The following MLLT3 variants were observed in gnomAD, a reference collection of about 807,000 sequenced individuals.
MLLT3 encodes protein AF-9.
MLLT3 carries 4 observed loss-of-function variants against 53.2 expected under a neutral mutation model. That is an observed-to-expected ratio of 0.08 (90% CI 0.04 to 0.17). MLLT3 has a LOEUF of 0.17. Among genes scored for constraint, MLLT3 ranks in the 10% least tolerant of loss-of-function variants. The probability of loss-of-function intolerance (pLI) is 1.00; values close to 1 mark genes in which losing one functional copy is unlikely to be tolerated. For missense variants in MLLT3, 569 were observed against 684.0 expected (o/e 0.83, Z 1.87); for synonymous variants, 283 against 230.6 (o/e 1.23, Z -2.06).
chr9:20,407,987 T>C (rs570800865), intron 5 of MLLT3, among the ~76,000 whole-genome samples: 3 of 152,270 alleles, frequency 2.0e-5, no homozygotes, highest in South Asian at 4.1e-4. Context: ...ATCAAATGCA[T>C]AGGTCATAAA....
intron 2 of MLLT3, among the ~76,000 whole-genome samples, chr9:20,466,050 G>A (rs1036604832): frequency 1.3e-5 from 2 of 152,028 alleles, no homozygotes; most frequent in Admixed American, 6.6e-5. Context: ...CTACAAAAAG[G>A]GTATTTGTCC....
intron 2 of MLLT3, among the ~76,000 whole-genome samples, chr9:20,466,488 T>C (rs528921063): frequency 2.0e-5 from 3 of 152,332 alleles, no homozygotes; most frequent in African/African-American, 7.2e-5. Flanking sequence ...TGGGGTTTTT[T>C]TGCTTGCTCC....
intron 2 of MLLT3, among the ~76,000 whole-genome samples, chr9:20,457,221 T>A (rs1284576057): frequency 6.6e-6 from 1 of 150,794 alleles, no homozygotes; most frequent in African/African-American, 2.4e-5. Context: ...TTGTCTGAGA[T>A]GTCCTGACAA....
At chr9:20,615,864 A>G (rs1176717503) in intron 2 of MLLT3, among the ~76,000 whole-genome samples, 1 of 135,328 alleles carries the variant, frequency 7.4e-6, no homozygotes, top group Non-Finnish European at 1.6e-5. Context: ...CTATTAAAAC[A>G]AAGAGATTTG....
rs993965462 is a variant in MLLT3 at position 20,621,000 on chromosome 9, C to A, written c.13-166G>T. ...CGCGCGTGGGCGCGCACACTCCACA[C>A]CCCCAAATATACCCGCCCGCCCGGC... On this transcript the variant is annotated intron_variant, in intron 1 of 10. Transcript: ENST00000380338. The surrounding 1 kb of genome is among the most constrained non-coding windows in gnomAD (Gnocchi z 6.1). 4.7e-6 allele frequency: 4 copies of A among 858,136 alleles called. No individual in the cohort carries two copies. The highest frequency in any genetic ancestry group is 7.5e-6 in the Non-Finnish European group (4 of 530,682). 53.2% of individuals were successfully genotyped at this position (858,136 alleles called of 1,614,324 possible).
At chr9:20,417,217 G>A (rs1050124577) in intron 4 of MLLT3, among the ~76,000 whole-genome samples, 1 of 135,272 alleles carries the variant, frequency 7.4e-6, no homozygotes, top group African/African-American at 2.8e-5. Context: ...ATATATGGGG[G>A]TCTTGTCACC....
intron 2 of MLLT3, among the ~76,000 whole-genome samples, chr9:20,554,515 T>C (rs1277190843): frequency 6.6e-6 from 1 of 152,176 alleles, no homozygotes; most frequent in East Asian, 1.9e-4. Flanking sequence ...CAACAGTCCA[T>C]ATAAGATGCA....
intron 2 of MLLT3, among the ~76,000 whole-genome samples, chr9:20,511,691 T>C (rs187947764): frequency 6.6e-6 from 1 of 151,426 alleles, no homozygotes; most frequent in African/African-American, 2.4e-5. Flanking sequence ...ATATGTAAGA[T>C]TTTTTTTTAA....
At chr9:20,616,871 C>T (rs1820845540) in intron 2 of MLLT3, among the ~76,000 whole-genome samples, 1 of 152,082 alleles carries the variant, frequency 6.6e-6, no homozygotes, top group East Asian at 1.9e-4. Context: ...ACATATTTGT[C>T]AGAAAATTCC....
In MLLT3 at chr9:20,390,257, T is replaced by A. The variant is rs373511926; in HGVS notation, c.1125+23464A>T. On this transcript the variant is annotated intron_variant, in intron 5 of 10. Transcript: ENST00000380338. ...TTAAATAGAGATCTTAAAAGTAGGATACTAATTTTCCCCGAGATTGTAAAT... is the reference window on the plus strand; with the variant it reads ...TTAAATAGAGATCTTAAAAGTAGGAAACTAATTTTCCCCGAGATTGTAAAT... Among the ~76,000 whole-genome samples, 5 of 152,312 alleles carry A rather than the reference T, an allele frequency of 3.3e-5. No individual in the cohort carries two copies. The East Asian group carries it at 9.6e-4, about 29-fold the overall frequency.
intron 4 of MLLT3, among the ~76,000 whole-genome samples, chr9:20,424,329 C>T (rs1312405543): frequency 2.0e-5 from 3 of 152,132 alleles, no homozygotes; most frequent in African/African-American, 7.2e-5. Flanking sequence ...TCTTGTGATA[C>T]TGAGAAAAAT....
At chr9:20,594,610 A>G (rs191493248) in intron 2 of MLLT3, among the ~76,000 whole-genome samples, 114 of 152,316 alleles carry the variant, frequency 7.5e-4, no homozygotes, top group Non-Finnish European at 1.4e-3. Context: ...AGGATAAGAC[A>G]AAAGGTTGGC....
At chr9:20,523,666 A>G (rs1443115333) in intron 2 of MLLT3, among the ~76,000 whole-genome samples, 2 of 152,118 alleles carry the variant, frequency 1.3e-5, no homozygotes, top group Non-Finnish European at 2.9e-5. Flanking sequence ...GCAAAATTAT[A>G]GAGACAGTAA....
Position 20,480,144 on chromosome 9 carries a change from G to C in MLLT3, c.194-23358C>G, listed in dbSNP as rs137979644. On this transcript the variant is annotated intron_variant, in intron 2 of 10. Transcript: ENST00000380338. Reference sequence around the variant, plus strand: ...GCCATTGACTTATTTCTGGAAAGCAGGTTTAAGGCAAAGAAGTAAGCAAAA... The same window carrying C: ...GCCATTGACTTATTTCTGGAAAGCACGTTTAAGGCAAAGAAGTAAGCAAAA... Among the ~76,000 whole-genome samples the C allele has an allele frequency of 3.8e-3, 583 of 152,292 alleles. 4 individuals carry two copies. Among genetic ancestry groups the C allele is most frequent in the African/African-American group, 0.013 (554 of 41,562 alleles).
chr9:20,499,300 G>A (rs557170076), intron 2 of MLLT3, among the ~76,000 whole-genome samples: 20 of 152,254 alleles, frequency 1.3e-4, no homozygotes, highest in African/African-American at 4.3e-4. Context: ...CTGGGGTTAG[G>A]ATTCAACATA....
chr9:20,571,518 G>A (rs1819532491), intron 2 of MLLT3, among the ~76,000 whole-genome samples: 2 of 152,124 alleles, frequency 1.3e-5, no homozygotes, highest in Admixed American at 1.3e-4. Flanking sequence ...GTATACACGT[G>A]CCATGGTGGT....
At chr9:20,494,744 T>C (rs984452854) in intron 2 of MLLT3, among the ~76,000 whole-genome samples, 6 of 152,160 alleles carry the variant, frequency 3.9e-5, no homozygotes, top group African/African-American at 1.4e-4. Flanking sequence ...TTTCTCAATA[T>C]TGGAATGCTG....
At chr9:20,529,897 C>T (rs1818289220) in intron 2 of MLLT3, among the ~76,000 whole-genome samples, 1 of 152,044 alleles carries the variant, frequency 6.6e-6, no homozygotes, top group African/African-American at 2.4e-5. Context: ...GCCAGTTACA[C>T]AAACTGAGGG....
At chr9:20,417,053 G>A (rs1272115930) in intron 4 of MLLT3, among the ~76,000 whole-genome samples, 2 of 142,642 alleles carry the variant, frequency 1.4e-5, no homozygotes, top group African/African-American at 5.3e-5. Context: ...ACATATGGGG[G>A]TCTTGTCACC....
Sources: allele counts gnomAD v4.1 joint callset (sites outside exome capture counted in the v4.1 genomes callset), GRCh38; gene constraint gnomAD v4.1.1; non-coding constraint Gnocchi (gnomAD v3.1); transcripts MANE v1.5; gene names NCBI Gene and HGNC (gene_info 2026-07-23, HGNC 2026-07-21).